The following AGBL1 variants were observed in gnomAD, a reference collection of about 807,000 sequenced individuals.
The protein encoded by AGBL1 is AGBL carboxypeptidase 1, also known as cytosolic carboxypeptidase 4.
A neutral mutation model predicts 118.9 loss-of-function variants in AGBL1; 130 were observed. That is an observed-to-expected ratio of 1.09 (90% CI 0.95 to 1.26). The LOEUF (loss-of-function observed/expected upper bound fraction) is 1.26. Ranked by LOEUF, AGBL1 falls within the 50% of genes most tolerant of loss-of-function variation. The pLI is 0.00. For missense variants in AGBL1, 1,584 were observed against 1,298.1 expected (o/e 1.22, Z -3.38); for synonymous variants, 555 against 478.9 (o/e 1.16, Z -2.08).
At chr15:86,879,098 G>A (rs113925426) in intron 22 of AGBL1, among the ~76,000 whole-genome samples, 2 of 151,360 alleles carry the variant, frequency 1.3e-5, no homozygotes, top group Non-Finnish European at 3.0e-5. Context: ...TCGGGTCAGA[G>A]GTGTTCCACC....
intron 1 of AGBL1, among the ~76,000 whole-genome samples, chr15:86,094,452 G>A (rs540940158): frequency 6.6e-6 from 1 of 152,210 alleles, no homozygotes; most frequent in African/African-American, 2.4e-5. Context: ...TAGCTTCCCT[G>A]GGAAGCAGAT....
intron 18 of AGBL1, among the ~76,000 whole-genome samples, chr15:86,504,140 A>G (rs1205732392): frequency 6.6e-6 from 1 of 151,612 alleles, no homozygotes; most frequent in African/African-American, 2.4e-5. Context: ...TAGCTTCTTG[A>G]TGAATTAACC....
At chr15:86,119,105 A>G (rs72750265) in intron 1 of AGBL1, among the ~76,000 whole-genome samples, 4,821 of 152,186 alleles carry the variant, frequency 0.032, 98 homozygotes, top group African/African-American at 0.037. Flanking sequence ...CTTGATTAGG[A>G]CTCATTTGGT....
intron 20 of AGBL1, among the ~76,000 whole-genome samples, chr15:86,549,872 TGG>T (rs1353684454): frequency 6.5e-5 from 1 of 15,288 alleles, no homozygotes; most frequent in African/African-American, 2.3e-4. Flanking sequence ...AGGGGAAGGG[TGG>T]GGAGGGGAGT....
intron 22 of AGBL1, among the ~76,000 whole-genome samples, chr15:86,698,180 T>A (rs543431362): frequency 7.9e-5 from 12 of 152,110 alleles, no homozygotes; most frequent in African/African-American, 2.7e-4. Context: ...TGAACCCAAC[T>A]AATAGCCCAA....
At chr15:86,447,678 G>T (rs2082139104) in intron 18 of AGBL1, among the ~76,000 whole-genome samples, 1 of 152,180 alleles carries the variant, frequency 6.6e-6, no homozygotes, top group Non-Finnish European at 1.5e-5. Flanking sequence ...AAATAAGCAT[G>T]AACCAGACAC....
At chr15:86,392,705 C>G (rs117433359) in intron 17 of AGBL1, among the ~76,000 whole-genome samples, 198 of 152,282 alleles carry the variant, frequency 1.3e-3, no homozygotes, top group East Asian at 0.012. Context: ...CAATCCCCTA[C>G]TTGTTCCTAA....
chr15:86,875,414 T>TA (rs1427676969), intron 22 of AGBL1, among the ~76,000 whole-genome samples: 2 of 152,194 alleles, frequency 1.3e-5, no homozygotes, highest in Non-Finnish European at 2.9e-5. Flanking sequence ...GGATTTTTTT[T>TA]AAAAAACTTT....
At chr15:86,939,642 A>G (rs186781571) in intron 23 of AGBL1, 2 of 152,342 alleles carry the variant, frequency 1.3e-5, no homozygotes, top group Admixed American at 6.5e-5. Context: ...AATACAGCCT[A>G]ATAACTTACC....
downstream of AGBL1, among the ~76,000 whole-genome samples, chr15:86,919,996 G>T (rs2080468631): frequency 6.6e-6 from 1 of 152,090 alleles, no homozygotes; most frequent in South Asian, 2.1e-4. Flanking sequence ...TACATTGCTG[G>T]GAAACAAATT....
intron 23 of AGBL1, among the ~76,000 whole-genome samples, chr15:86,974,065 T>C: frequency 1.1e-5 from 1 of 92,362 alleles, no homozygotes; most frequent in African/African-American, 4.3e-5. Flanking sequence ...AACATTTTAA[T>C]ATATTAAATA....
chr15:86,649,586 G>A (rs1217096487), intron 21 of AGBL1, among the ~76,000 whole-genome samples: 1 of 152,144 alleles, frequency 6.6e-6, no homozygotes, highest in African/African-American at 2.4e-5. Flanking sequence ...ATGCAAATAT[G>A]TGATTAGATT....
rs184634574 is a variant in AGBL1, at chr15:86,950,686, G to C, written c.3222-37301G>C. 1.1e-4 allele frequency among the ~76,000 whole-genome samples: 16 copies of C among 151,850 alleles called. 1 individual carries two copies. The highest frequency in any genetic ancestry group is 1.1e-3 in the Admixed American group (16 of 15,230). ...CTTGCAATACAGAAATCCAATAAAG[G>C]ATTCATGAAGAATATATACAAAGAA... On this transcript the variant is annotated intron_variant, in intron 23 of 24. Transcript: ENST00000441037.
intron 18 of AGBL1, among the ~76,000 whole-genome samples, chr15:86,416,622 A>C (rs560842822): frequency 6.6e-6 from 1 of 152,324 alleles, no homozygotes; most frequent in South Asian, 2.1e-4. Flanking sequence ...CCATCTTGGC[A>C]GTGCATTATT....
intron 18 of AGBL1, 125 bp downstream of exon 18, chr15:86,397,671 G>C: frequency 1.2e-6 from 1 of 866,984 alleles, no homozygotes. Flanking sequence ...TTGGTTTTCT[G>C]TTTTCTGCTA....
intron 17 of AGBL1, among the ~76,000 whole-genome samples, chr15:86,353,452 A>G (rs1404162046): frequency 6.6e-6 from 1 of 152,202 alleles, no homozygotes; most frequent in Admixed American, 6.5e-5. Flanking sequence ...TAATGAAAGG[A>G]AAAGAGAGGA....
chr15:86,522,524 A>G (rs980310700), intron 18 of AGBL1, among the ~76,000 whole-genome samples: 2 of 152,240 alleles, frequency 1.3e-5, no homozygotes, highest in Non-Finnish European at 2.9e-5. Flanking sequence ...CCATGGATGT[A>G]TATAATGGGG....
rs183569017 is a variant in AGBL1, at chr15:86,957,742, A to G, written c.3222-30245A>G. On this transcript the variant is annotated intron_variant, in intron 23 of 24. Transcript: ENST00000441037. ...TAGATTTATCCCTTAATAAATGAGA[A>G]GAATCAATATAATGAATCATCAATT... 7.9e-5 allele frequency among the ~76,000 whole-genome samples: 12 copies of G among 152,234 alleles called. No homozygotes were observed. The East Asian group carries it at 2.3e-3, about 29-fold the overall frequency.
chr15:86,915,666 G>A lies in AGBL1; in HGVS notation c.*8372G>A. On this transcript the variant is annotated 3_prime_UTR_variant, in exon 23 of 23. Coordinates refer to ENST00000614907, the MANE Select transcript of AGBL1 (RefSeq NM_001386094.1). ...CCCCCCCACCGCCCCACTGCACCAA[G>A]ACTGTAATATCTTGGAGAACAAAGA... 6.6e-6 allele frequency: 1 copy of A among 152,076 alleles called. No homozygotes were observed. Among genetic ancestry groups the A allele is most frequent in the East Asian group, 1.9e-4 (1 of 5,176 alleles). 9.4% of individuals were successfully genotyped at this position (152,076 alleles called of 1,614,324 possible).
Sources: allele counts gnomAD v4.1 joint callset (sites outside exome capture counted in the v4.1 genomes callset), GRCh38; gene constraint gnomAD v4.1.1; transcripts MANE v1.5; gene names NCBI Gene and HGNC (gene_info 2026-07-23, HGNC 2026-07-21).